ADK: variants seen among roughly 807,000 people sequenced by gnomAD.
ADK encodes the protein adenosine kinase, also known as N6,N6-dimethyladenosine kinase.
In ADK, 24 loss-of-function variants were observed where a neutral mutation model predicts 44.7. The observed-to-expected ratio is 0.54, with a 90% confidence interval of 0.39 to 0.76. The LOEUF (loss-of-function observed/expected upper bound fraction) is 0.76. Ranked by LOEUF, ADK falls within the 30% of genes least tolerant of loss-of-function variation. ADK has a pLI of 0.00. For synonymous variants in ADK, 128 were observed against 142.6 expected (o/e 0.90, Z 0.73); for missense variants, 321 against 425.1 (o/e 0.76, Z 2.15).
chr10:74,411,078 AT>A (rs2132950323), intron 6 of ADK, among the ~76,000 whole-genome samples: 1 of 152,214 alleles, frequency 6.6e-6, no homozygotes, highest in Non-Finnish European at 1.5e-5. Context: ...TTATTCCTGC[AT>A]TTTTGCCTCA....
chr10:74,382,158 A>C (rs555109167), intron 4 of ADK, among the ~76,000 whole-genome samples: 1 of 152,082 alleles, frequency 6.6e-6, no homozygotes, highest in African/African-American at 2.4e-5. Context: ...AGTGCAAGTG[A>C]TGTAATCTTG....
intron 3 of ADK, among the ~76,000 whole-genome samples, chr10:74,256,574 G>T (rs1286750299): frequency 1.3e-5 from 2 of 152,122 alleles, no homozygotes; most frequent in East Asian, 3.9e-4. Context: ...GTTTTTACAG[G>T]CCAGAGCATT....
At chr10:74,219,303 C>T (rs1378874708) in intron 2 of ADK, among the ~76,000 whole-genome samples, 1 of 151,986 alleles carries the variant, frequency 6.6e-6, no homozygotes, top group Admixed American at 6.6e-5. Flanking sequence ...GGGATCAATT[C>T]AACAAGAAGA....
intron 2 of ADK, among the ~76,000 whole-genome samples, chr10:74,222,044 C>T (rs1012172467): frequency 6.6e-6 from 1 of 152,106 alleles, no homozygotes; most frequent in East Asian, 1.9e-4. Flanking sequence ...TTCTGCACAG[C>T]AAAAGAAACT....
intron 9 of ADK, among the ~76,000 whole-genome samples, chr10:74,664,719 T>G (rs1037508147): frequency 6.6e-6 from 1 of 152,144 alleles, no homozygotes; most frequent in African/African-American, 2.4e-5. Context: ...GGTACACACC[T>G]GTAGTCCCAG....
chr10:74,531,193 CAT>C (rs1162442936), intron 7 of ADK, among the ~76,000 whole-genome samples: 1 of 152,144 alleles, frequency 6.6e-6, no homozygotes, highest in Non-Finnish European at 1.5e-5. Context: ...TCAGTGCACA[CAT>C]GAGGACCTAT....
At chr10:74,347,664 A>C (rs1161908635) in intron 4 of ADK, among the ~76,000 whole-genome samples, 1 of 152,158 alleles carries the variant, frequency 6.6e-6, no homozygotes, top group Non-Finnish European at 1.5e-5. Context: ...GCTAAGAACC[A>C]CTGGCTTAAC....
intron 6 of ADK, among the ~76,000 whole-genome samples, chr10:74,494,658 T>A (rs1284283987): frequency 1.3e-5 from 2 of 152,154 alleles, no homozygotes; most frequent in Admixed American, 1.3e-4. Context: ...TATTTTTTTC[T>A]TTCTCTCTCT....
At chr10:74,301,255 C>A (rs1840021387) in intron 3 of ADK, among the ~76,000 whole-genome samples, 1 of 152,084 alleles carries the variant, frequency 6.6e-6, no homozygotes, top group Non-Finnish European at 1.5e-5. Context: ...TGGCTCACAC[C>A]TGTAATCTCA....
At chr10:74,490,155 A>C (rs2133389397) in intron 6 of ADK, among the ~76,000 whole-genome samples, 1 of 152,204 alleles carries the variant, frequency 6.6e-6, no homozygotes, top group South Asian at 2.1e-4. Context: ...AATTTCAATA[A>C]GGAAGAAAAT....
Position 74,655,793 on chromosome 10 carries a change from G to A in ADK, c.878-14390G>A, listed in dbSNP as rs1211293834. On this transcript the variant is annotated intron_variant, in intron 9 of 10. Transcript: ENST00000539909. ...GCCACCCACCTATCCAGGACATCAA[G>A]CCCATCAAGGCAGAGGTACAGGGCA... The A allele has an allele frequency of 2.4e-5, 12 of 497,734 alleles. No homozygotes were observed. The East Asian group carries it at 5.6e-4, about 23-fold the overall frequency. The allele number at this position is 497,734 out of a possible 1,614,324, so 30.8% of individuals were successfully genotyped here.
intron 10 of ADK, among the ~76,000 whole-genome samples, chr10:74,695,619 GGTGTGTGT>G (rs749294668): frequency 0.01 from 939 of 90,104 alleles, 8 homozygotes; most frequent in African/African-American, 0.036. Flanking sequence ...GTATGTGTGG[GGTGTGTGT>G]GTGTGTGTGT....
At chr10:74,589,936 A>C (rs984703819) in intron 8 of ADK, among the ~76,000 whole-genome samples, 2 of 152,142 alleles carry the variant, frequency 1.3e-5, no homozygotes, top group African/African-American at 4.8e-5. Flanking sequence ...AATATCAATA[A>C]TTGGATTTAA....
intron 1 of ADK, among the ~76,000 whole-genome samples, chr10:74,194,587 A>G (rs1591834063): frequency 6.6e-6 from 1 of 152,342 alleles, no homozygotes; most frequent in East Asian, 1.9e-4. Context: ...ATTGTTTAAA[A>G]TAATATGATT....
chr10:74,497,467 T>C (rs1847732626), intron 6 of ADK, among the ~76,000 whole-genome samples: 1 of 152,206 alleles, frequency 6.6e-6, no homozygotes, highest in African/African-American at 2.4e-5. Flanking sequence ...CCATCTTTTC[T>C]CCCACCTCTC....
chr10:74,238,629 TTG>T (rs1845067773), intron 3 of ADK, among the ~76,000 whole-genome samples: 1 of 152,150 alleles, frequency 6.6e-6, no homozygotes, highest in Non-Finnish European at 1.5e-5. Context: ...CATGGAAGAT[TTG>T]TGTTACCCTC....
At chr10:74,199,768 C>T (rs113406502) in intron 1 of ADK, among the ~76,000 whole-genome samples, 2,751 of 152,218 alleles carry the variant, frequency 0.018, 29 homozygotes, top group Non-Finnish European at 0.027. Context: ...CAACCTCCAC[C>T]TCCTGGGTTC....
At chr10:74,416,033 TACACACAC>T (rs71475283) in intron 6 of ADK, among the ~76,000 whole-genome samples, 1,837 of 145,190 alleles carry the variant, frequency 0.013, 11 homozygotes, top group Admixed American at 0.015. Context: ...CATACATATA[TACACACAC>T]ACACACACAC....
intron 7 of ADK, among the ~76,000 whole-genome samples, chr10:74,569,199 C>G (rs1850828458): frequency 6.6e-6 from 1 of 152,076 alleles, no homozygotes; most frequent in African/African-American, 2.4e-5. Flanking sequence ...GGGTTGGTTC[C>G]AAGTCTTTGC....
Sources: gnomAD v4.1 joint callset for allele counts (sites outside exome capture counted in the v4.1 genomes callset) on GRCh38, gnomAD v4.1.1 for gene constraint, MANE v1.5 for transcripts, NCBI Gene and HGNC (gene_info 2026-07-23, HGNC 2026-07-21) for gene names.